Variants in ARHGEF28 observed in about 807,000 individuals in gnomAD.
ARHGEF28 encodes the protein 190 kDa guanine nucleotide exchange factor.
In ARHGEF28, 152 loss-of-function variants were observed where a neutral mutation model predicts 206.6. The ratio of observed to expected loss-of-function variants is 0.74; its 90% CI spans 0.64 to 0.84. The LOEUF is 0.84. Ranked by LOEUF, ARHGEF28 falls within the 40% of genes least tolerant of loss-of-function variation. ARHGEF28 has a pLI of 0.00. For missense variants in ARHGEF28, 2,028 were observed against 2,073.2 expected (o/e 0.98, Z 0.42); for synonymous variants, 763 against 776.4 (o/e 0.98, Z 0.29).
chr5:73,769,226 A>G (rs1753080012), intron 4 of ARHGEF28, among the ~76,000 whole-genome samples: 1 of 152,152 alleles, frequency 6.6e-6, no homozygotes, highest in South Asian at 2.1e-4. Context: ...AGAGAGAGGC[A>G]GAGGGAGACA....
At position 73,893,279 on chromosome 5, in the gene ARHGEF28, C is replaced by T; in HGVS notation, c.3649C>T (p.Gln1217Ter). The stretch of plus-strand genomic sequence containing the variant: ...TGAAGCCAGAGTGGCCAAAATTCAG[C>T]AATGTCAAGGTACAGTGCAGGCACT... ...KAEARVAKIQ[Q>*]CQEILTNQDQ... Residue 1217 changes from glutamine to a stop codon, truncating the protein, a stop_gained, in exon 28 of 36, where the codon CAA becomes TAA. Coordinates refer to ENST00000513042, the MANE Select transcript of ARHGEF28 (RefSeq NM_001177693.2). LOFTEE classifies it high-confidence loss of function. 6.4e-7 allele frequency: 1 copy of T among 1,553,218 alleles called. No homozygotes were observed. Among genetic ancestry groups the T allele is most frequent in the South Asian group, 1.2e-5 (1 of 82,726 alleles).
At chr5:73,715,875 A>G (rs1213982618) in intron 2 of ARHGEF28, among the ~76,000 whole-genome samples, 1 of 152,218 alleles carries the variant, frequency 6.6e-6, no homozygotes, top group Non-Finnish European at 1.5e-5. Context: ...CTGGCTTTGC[A>G]AAGAAGGCTT....
intron 1 of ARHGEF28, among the ~76,000 whole-genome samples, chr5:73,680,555 G>A (rs1310132550): frequency 6.6e-6 from 1 of 151,524 alleles, no homozygotes; most frequent in Non-Finnish European, 1.5e-5. Flanking sequence ...CGACACATTG[G>A]GTACAGTGTA....
chr5:73,655,741 G>A (rs182833744), intron 1 of ARHGEF28, among the ~76,000 whole-genome samples: 64 of 152,236 alleles, frequency 4.2e-4, no homozygotes, highest in Admixed American at 7.2e-4. Context: ...AATTTGGGCC[G>A]CCCAGTTCTT....
chr5:73,675,593 C>T (rs1354247208), intron 1 of ARHGEF28, among the ~76,000 whole-genome samples: 5 of 151,500 alleles, frequency 3.3e-5, no homozygotes, highest in South Asian at 2.1e-4. Context: ...ATTAGCTGGG[C>T]GTGGTGACGG....
intron 26 of ARHGEF28, 94 bp downstream of exon 26, chr5:73,887,773 A>G: frequency 9.6e-7 from 1 of 1,045,398 alleles, no homozygotes; most frequent in Admixed American, 2.7e-5. Context: ...TATAATAGTC[A>G]CAGGGAAGTA....
chr5:73,717,023 A>G (rs1182154934), intron 2 of ARHGEF28, among the ~76,000 whole-genome samples: 1 of 152,072 alleles, frequency 6.6e-6, no homozygotes, highest in Non-Finnish European at 1.5e-5. Flanking sequence ...CTTTATTTGA[A>G]TCATTGTAAT....
At chr5:73,777,260 T>G (rs2112453873) in intron 6 of ARHGEF28, among the ~76,000 whole-genome samples, 1 of 151,820 alleles carries the variant, frequency 6.6e-6, no homozygotes, top group Admixed American at 6.6e-5. Flanking sequence ...TTTTTTTTTT[T>G]GGTAGACTTT....
At chr5:73,650,616 A>G (rs767196360) in intron 1 of ARHGEF28, among the ~76,000 whole-genome samples, 24 of 151,658 alleles carry the variant, frequency 1.6e-4, no homozygotes, top group Non-Finnish European at 3.1e-4. Flanking sequence ...AATTACCTGT[A>G]TACATAGGCT....
chr5:73,911,515 G>T lies in ARHGEF28; in HGVS notation c.4888G>T (p.Ala1630Ser), dbSNP rs200246828. ...SNVSHKLWTA[A>S]GSGHQILPFH... ...TGTCAGTCACAAACTGTGGACAGCC[G>T]CTGGTTCCGGCCATCAGATACTTCC... Residue 1630 changes from alanine (A) to serine (S), a missense_variant, in exon 35 of 36, where the codon GCT becomes TCT. Ala to Ser is a moderately conservative substitution (Grantham distance 99). This residue lies in a region of ARHGEF28 where 803 missense variants were observed against 768.0 expected (regional missense o/e 1.05). Transcript: ENST00000513042. 1.2e-6 allele frequency: 2 copies of T among 1,613,176 alleles called. No homozygotes were observed. Among genetic ancestry groups the T allele is most frequent in the Non-Finnish European group, 1.7e-6 (2 of 1,179,478 alleles).
chr5:73,758,471 AG>A (rs1486044081), intron 4 of ARHGEF28, among the ~76,000 whole-genome samples: 1 of 152,258 alleles, frequency 6.6e-6, no homozygotes, highest in Non-Finnish European at 1.5e-5. Context: ...GTCTCCTAAC[AG>A]GCAGAAGTTC....
At chr5:73,805,425 A>G (rs1243431549) in intron 9 of ARHGEF28, among the ~76,000 whole-genome samples, 1 of 152,206 alleles carries the variant, frequency 6.6e-6, no homozygotes, top group Non-Finnish European at 1.5e-5. Context: ...GGTGTGGTGG[A>G]GAGAGGTGCA....
At chr5:73,669,350 A>G (rs1384797051) in intron 1 of ARHGEF28, among the ~76,000 whole-genome samples, 2 of 152,234 alleles carry the variant, frequency 1.3e-5, no homozygotes, top group Non-Finnish European at 2.9e-5. Context: ...ATTCTAGCAT[A>G]ATTTTTAATT....
At position 73,821,988 on chromosome 5, in the gene ARHGEF28, C is replaced by T. The variant is rs545426638; in HGVS notation, c.1025-10350C>T. On this transcript the variant is annotated intron_variant, in intron 9 of 35. Transcript: ENST00000513042. ...TTGTTCTCAGAGGCCTGCAGTTTCC[C>T]CATCTTCTCCTGACTTCCCCCTATG... 2.0e-5 allele frequency among the ~76,000 whole-genome samples: 3 copies of T among 152,234 alleles called. No individual in the cohort carries two copies. The South Asian group carries it at 6.2e-4, about 32-fold the overall frequency.
chr5:73,752,832 T>C (rs1752086927), intron 3 of ARHGEF28, 77 bp from the exon 4 acceptor site: 4 of 1,520,888 alleles, frequency 2.6e-6, no homozygotes, highest in Non-Finnish European at 3.6e-6. Flanking sequence ...AGCTATGTGG[T>C]GGGGCTAGCA....
chr5:73,707,228 T>C (rs1277864695), intron 2 of ARHGEF28, among the ~76,000 whole-genome samples: 1 of 152,208 alleles, frequency 6.6e-6, no homozygotes, highest in African/African-American at 2.4e-5. Context: ...TCTTCCTGGC[T>C]GGTCTCATAG....
intron 2 of ARHGEF28, among the ~76,000 whole-genome samples, chr5:73,741,708 T>C (rs28366432): frequency 0.32 from 48,881 of 151,700 alleles, 8,288 homozygotes; most frequent in African/African-American, 0.42. Flanking sequence ...CATGAGCCAC[T>C]GCACCTGGCC....
intron 4 of ARHGEF28, among the ~76,000 whole-genome samples, chr5:73,768,402 AGCT>A (rs750759436): frequency 6.6e-6 from 1 of 152,196 alleles, no homozygotes; most frequent in Non-Finnish European, 1.5e-5. Context: ...ACAGGGGCAG[AGCT>A]GCCCAAGACC....
chr5:73,762,455 C>CAAAAA (rs35028103), intron 4 of ARHGEF28, among the ~76,000 whole-genome samples: 31 of 66,304 alleles, frequency 4.7e-4, no homozygotes, highest in Non-Finnish European at 7.1e-4. Flanking sequence ...GACTCCCTCT[C>CAAAAA]AAAAAAAAAA....
Sources: gnomAD v4.1 joint callset for allele counts (sites outside exome capture counted in the v4.1 genomes callset) on GRCh38, gnomAD v4.1.1 for gene constraint, gnomAD v4.1.1 regional missense constraint, MANE v1.5 for transcripts, NCBI Gene and HGNC (gene_info 2026-07-23, HGNC 2026-07-21) for gene names.